Variants in PSMF1 observed in about 807,000 individuals in gnomAD.
PSMF1 encodes proteasome inhibitor subunit 1.
PSMF1 carries 30 observed loss-of-function variants against 29.3 expected under a neutral mutation model. The ratio of observed to expected loss-of-function variants is 1.02; its 90% CI spans 0.77 to 1.39. The LOEUF (loss-of-function observed/expected upper bound fraction) is 1.39, where lower values mean the gene tolerates loss of function less well. Ranked by LOEUF, PSMF1 falls within the 40% of genes most tolerant of loss-of-function variation. PSMF1 has a pLI of 0.00. For synonymous variants in PSMF1, 134 were observed against 139.7 expected, an observed-to-expected ratio of 0.96 and a Z score of 0.29; for missense variants, 344 against 357.5, an observed-to-expected ratio of 0.96 and a Z score of 0.31.
upstream of PSMF1, among the ~76,000 whole-genome samples, chr20:1,116,266 G>A (rs114488130): frequency 9.2e-3 from 1,395 of 152,032 alleles, 28 homozygotes; most frequent in African/African-American, 0.032. Context: ...AAGGGACAGA[G>A]CAAGCAAAAG....
intron 3 of PSMF1, among the ~76,000 whole-genome samples, chr20:1,131,983 A>G (rs965026245): frequency 1.3e-5 from 2 of 152,146 alleles, no homozygotes; most frequent in African/African-American, 4.8e-5. Flanking sequence ...CTCATTTTTT[A>G]CCCATGGATG....
intron 4 of PSMF1, among the ~76,000 whole-genome samples, chr20:1,150,531 T>C (rs2086516734): frequency 6.6e-6 from 1 of 152,278 alleles, no homozygotes. Flanking sequence ...ATTTTTTTTT[T>C]CTCGAAGTTT....
rs563991145 is a variant in PSMF1 at position 1,118,652 on chromosome 20, G to T, written c.-122G>T. 7.1e-6 allele frequency: 9 copies of T among 1,273,818 alleles called. No individual in the cohort carries two copies. In the East Asian group the frequency reaches 2.0e-4, roughly 29 times the overall value. The allele number at this position is 1,273,818 out of a possible 1,614,324, so 78.9% of individuals were successfully genotyped here. On this transcript the variant is annotated 5_prime_UTR_variant, in exon 1 of 7. Coordinates refer to ENST00000335877, the MANE Select transcript of PSMF1 (RefSeq NM_006814.5). ...GGGCGTCTCCATTTTGGTCTCAGGTGTGGACTCGGCAAGAACCAGCGCAAG... is the reference window on the plus strand; with the variant it reads ...GGGCGTCTCCATTTTGGTCTCAGGTTTGGACTCGGCAAGAACCAGCGCAAG...
Position 1,168,071 on chromosome 20 carries a change from T to G in PSMF1, c.*2991T>G, listed in dbSNP as rs2086752691. Reference sequence around the variant, plus strand: ...ATCTCATTGTGGTCTTCTCTTCCATTTTTTAAAAAAGAATTTTGACCTACA... The same window carrying G: ...ATCTCATTGTGGTCTTCTCTTCCATGTTTTAAAAAAGAATTTTGACCTACA... On this transcript the variant is annotated 3_prime_UTR_variant, in exon 7 of 7. Coordinates refer to ENST00000335877, the MANE Select transcript of PSMF1 (RefSeq NM_006814.5). The G allele has an allele frequency of 6.6e-6, 1 of 152,242 alleles. No individual in the cohort carries two copies. The highest frequency in any genetic ancestry group is 2.4e-5 in the African/African-American group (1 of 41,454). The allele number at this position is 152,242 out of a possible 1,614,324, so 9.4% of individuals were successfully genotyped here. A position where few individuals can be genotyped will look rare whatever the true frequency, so the allele number is the denominator to read the frequency against.
chr20:1,113,289 C>CCCT (rs1452451294), exon 1 of PSMF1: 1 of 152,114 alleles, frequency 6.6e-6, no homozygotes, highest in Non-Finnish European at 1.5e-5. Flanking sequence ...TCATCCTGGG[C>CCCT]CCTCACCTCT....
intron 3 of PSMF1, among the ~76,000 whole-genome samples, chr20:1,130,959 T>A (rs1371065985): frequency 2.0e-5 from 3 of 152,318 alleles, no homozygotes; most frequent in African/African-American, 7.2e-5. Context: ...AGGGCAGGGT[T>A]TGGGTGTCTT....
Position 1,127,224 on chromosome 20 carries a change from C to G in PSMF1, c.283-202C>G, listed in dbSNP as rs550834939. ...GAGCCTGGGAAGTAGGTGTTTTAGTCTCTGCCTTGGAAAGGCAATATTCCT... is the reference window on the plus strand; with the variant it reads ...GAGCCTGGGAAGTAGGTGTTTTAGTGTCTGCCTTGGAAAGGCAATATTCCT... On this transcript the variant is annotated intron_variant, in intron 2 of 6. Coordinates refer to ENST00000335877, the MANE Select transcript of PSMF1 (RefSeq NM_006814.5). 152 of 740,644 alleles carry G rather than the reference C, an allele frequency of 2.1e-4. No individual in the cohort carries two copies. In the African/African-American group the frequency reaches 2.4e-3, roughly 12 times the overall value. The allele number at this position is 740,644 out of a possible 1,614,324, so 45.9% of individuals were successfully genotyped here. A position where few individuals can be genotyped will look rare whatever the true frequency, so the allele number is the denominator to read the frequency against.
chr20:1,141,658 A>G lies in PSMF1; in HGVS notation c.551+6352A>G, dbSNP rs2094196179. On this transcript the variant is annotated intron_variant, in intron 4 of 6. Coordinates refer to ENST00000335877, the MANE Select transcript of PSMF1 (RefSeq NM_006814.5). ...TCTGACCACTCTTATTCAGCATAATACTAGAAGTTTTAGCCCGCACATTAA... is the reference window on the plus strand; with the variant it reads ...TCTGACCACTCTTATTCAGCATAATGCTAGAAGTTTTAGCCCGCACATTAA... Among the ~76,000 whole-genome samples, 5 of 152,192 alleles carry G rather than the reference A, an allele frequency of 3.3e-5. No homozygotes were observed. The South Asian group carries it at 1.0e-3, about 32-fold the overall frequency.
chr20:1,172,113 C>T lies in PSMF1; in HGVS notation c.*7033C>T, dbSNP rs537380837. Among the ~76,000 whole-genome samples the T allele has an allele frequency of 1.1e-4, 16 of 152,334 alleles. No individual in the cohort carries two copies. Among genetic ancestry groups the T allele is most frequent in the African/African-American group, 3.8e-4 (16 of 41,574 alleles). On this transcript the variant is annotated 3_prime_UTR_variant, in exon 7 of 7. Transcript: ENST00000335877. ...CAGTGCTCCCCCAACCTGCCCTCCT[C>T]CTCTCCCCCACAGAGCTTCCCAATT...
intron 4 of PSMF1, among the ~76,000 whole-genome samples, chr20:1,158,840 A>AG (rs918806203): frequency 3.3e-5 from 5 of 152,184 alleles, no homozygotes; most frequent in African/African-American, 1.2e-4. Context: ...GACTCAGCCA[A>AG]GGGGGCTATC....
chr20:1,146,517 C>T lies in PSMF1; in HGVS notation c.551+11211C>T, dbSNP rs1600161018. On this transcript the variant is annotated intron_variant, in intron 4 of 6. Coordinates refer to ENST00000335877, the MANE Select transcript of PSMF1 (RefSeq NM_006814.5). The stretch of plus-strand genomic sequence containing the variant: ...GACAGTTGGAAACCACTGAAGGATT[C>T]TGAGGGCAACAGTGCCTTTGGCTAA... Among the ~76,000 whole-genome samples, 3 of 152,156 alleles carry T rather than the reference C, an allele frequency of 2.0e-5. No homozygotes were observed. The South Asian group carries it at 6.2e-4, about 31-fold the overall frequency.
chr20:1,125,572 G>A lies in PSMF1; in HGVS notation c.204G>A (p.Arg68=). The A allele has an allele frequency of 1.2e-6, 2 of 1,614,140 alleles. No individual in the cohort carries two copies. Among genetic ancestry groups the A allele is most frequent in the Admixed American group, 1.7e-5 (1 of 60,010 alleles). ...ACAATAAAGACCTGTATGTCCTCCG[G>A]TATGAGTATAAGGATGGGTCCAGAA... The part of the protein sequence containing the change: ...WNNNKDLYVL[R]YEYKDGSRKL... Residue 68 remains arginine, a synonymous_variant, in exon 2 of 7, where the codon CGG becomes CGA. Transcript: ENST00000335877.
At chr20:1,133,575 T>A (rs1355926866) in intron 3 of PSMF1, among the ~76,000 whole-genome samples, 1,345 of 17,732 alleles carry the variant, frequency 0.076, 46 homozygotes, top group Middle Eastern at 0.18. Context: ...ATATATTTTT[T>A]TTTTTTTTTT....
intron 4 of PSMF1, chr20:1,160,654 A>C (rs2086654891): frequency 2.0e-6 from 1 of 509,108 alleles, no homozygotes; most frequent in Non-Finnish European, 4.0e-6. Context: ...TTTGCTGGGG[A>C]CGACGCCCCT....
In PSMF1 at chr20:1,165,267, CT is replaced by C; in HGVS notation, c.*188del. The C allele has an allele frequency of 7.0e-7, 1 of 1,423,558 alleles. No homozygotes were observed. The highest frequency in any genetic ancestry group is 2.6e-5 in the East Asian group (1 of 38,830). 88.2% of individuals were successfully genotyped at this position (1,423,558 alleles called of 1,614,324 possible). ...ACACCTGCTGCAGCTCTCCACCTAG[CT>C]GCAGATAGCTCCCAAAGAGAAATCA... On this transcript the variant is annotated 3_prime_UTR_variant, in exon 7 of 7. Transcript: ENST00000335877.
intron 4 of PSMF1, among the ~76,000 whole-genome samples, chr20:1,143,393 T>C (rs1014543392): frequency 6.6e-6 from 1 of 152,212 alleles, no homozygotes; most frequent in Non-Finnish European, 1.5e-5. Flanking sequence ...GAGGAAAGAA[T>C]GTCTTTCAGT....
intron 4 of PSMF1, among the ~76,000 whole-genome samples, chr20:1,150,048 T>C (rs6077919): frequency 0.18 from 17,741 of 99,084 alleles, 513 homozygotes; most frequent in Middle Eastern, 0.23. Context: ...GATGTGGTGG[T>C]GTGACCCTGG....
At chr20:1,126,514 G>A (rs1419799320) in intron 2 of PSMF1, among the ~76,000 whole-genome samples, 1 of 152,110 alleles carries the variant, frequency 6.6e-6, no homozygotes, top group African/African-American at 2.4e-5. Flanking sequence ...TCTCGTGTCA[G>A]ATAGGGTTCT....
intron 4 of PSMF1, among the ~76,000 whole-genome samples, chr20:1,154,103 G>A (rs1031979796): frequency 6.6e-6 from 1 of 152,200 alleles, no homozygotes; most frequent in Non-Finnish European, 1.5e-5. Flanking sequence ...AGGAAATACA[G>A]CACCTATGTG....
Sources: allele counts gnomAD v4.1 joint callset (sites outside exome capture counted in the v4.1 genomes callset), GRCh38; gene constraint gnomAD v4.1.1; transcripts MANE v1.5; gene names NCBI Gene and HGNC (gene_info 2026-07-23, HGNC 2026-07-21).